The following NSD2 variants were observed in gnomAD, a reference collection of about 807,000 sequenced individuals.
The protein encoded by NSD2 is nuclear receptor binding SET domain protein 2, also known as histone-lysine N-methyltransferase NSD2.
Under a neutral mutation model 139.0 loss-of-function variants are expected in NSD2, and 12 were observed. The observed-to-expected ratio is 0.09, with a 90% confidence interval of 0.06 to 0.14. NSD2 has a LOEUF of 0.14. NSD2 is among the 10% of genes least tolerant of loss of function. NSD2 has a pLI of 1.00. For missense variants in NSD2, 1,155 were observed against 1,745.0 expected (o/e 0.66, Z 6.02); for synonymous variants, 669 against 648.7 (o/e 1.03, Z -0.48).
chr4:1,960,439 C>T (rs1000099937), intron 17 of NSD2, among the ~76,000 whole-genome samples: 3 of 152,198 alleles, frequency 2.0e-5, no homozygotes, highest in African/African-American at 7.2e-5. Flanking sequence ...GGACAGTTGA[C>T]CTCCTGCCTC....
intron 5 of NSD2, among the ~76,000 whole-genome samples, chr4:1,924,684 GT>G (rs1467318004): frequency 6.6e-6 from 1 of 151,942 alleles, no homozygotes; most frequent in Non-Finnish European, 1.5e-5. Flanking sequence ...GCCGAGGAGG[GT>G]AGGATGCTTG....
chr4:1,928,478 A>T (rs541048653), intron 5 of NSD2, among the ~76,000 whole-genome samples: 1 of 152,304 alleles, frequency 6.6e-6, no homozygotes, highest in African/African-American at 2.4e-5. Context: ...ACTCGTAACC[A>T]TCATACCATA....
intron 18 of NSD2, among the ~76,000 whole-genome samples, chr4:1,965,195 TA>T (rs2108990517): frequency 6.6e-6 from 1 of 151,954 alleles, no homozygotes; most frequent in South Asian, 2.1e-4. Context: ...ACATCTGCCT[TA>T]AAGATGCTGA....
At chr4:1,915,511 C>T (rs1049729627) in intron 3 of NSD2, among the ~76,000 whole-genome samples, 1 of 152,130 alleles carries the variant, frequency 6.6e-6, no homozygotes, top group South Asian at 2.1e-4. Context: ...TGTTGGGTAT[C>T]TTCTCTTCCC....
rs1179623184 is a variant in NSD2 at position 1,872,635 on chromosome 4, A to AGAGAGAGAGAGAGAGAGAGC, written c.-30+1094_-30+1095insAGAGAGAGAGAGAGAGAGCG. On this transcript the variant is annotated intron_variant, in intron 1 of 21. Transcript: ENST00000508803. ...GAGAGAGAGAGAGAGAGAGAGAGAG[A>AGAGAGAGAGAGAGAGAGAGC]GCGCGCAGACCCTGTGAAGACAAGA... is the stretch of plus-strand genomic sequence containing the variant. Among the ~76,000 whole-genome samples, 9 of 120,196 alleles carry AGAGAGAGAGAGAGAGAGAGC rather than the reference A, an allele frequency of 7.5e-5. No homozygotes were observed. The South Asian group carries it at 1.1e-3, about 15-fold the overall frequency. 78.9% of individuals were successfully genotyped at this position (120,196 alleles called of 152,430 possible). A position where few individuals can be genotyped will look rare whatever the true frequency, so the allele number is the denominator to read the frequency against.
intron 9 of NSD2, chr4:1,947,405 A>C (rs866809477): frequency 1.9e-6 from 2 of 1,060,294 alleles, no homozygotes; most frequent in African/African-American, 3.3e-5. Flanking sequence ...TGTGGTGTGC[A>C]GTGGTGCTCT....
chr4:1,949,824 T>G (rs543269153), intron 9 of NSD2, among the ~76,000 whole-genome samples: 1 of 151,920 alleles, frequency 6.6e-6, no homozygotes, highest in East Asian at 1.9e-4. Context: ...CACTTCTGTG[T>G]TAGTTTTTAA....
At chr4:1,961,402 C>T (rs1725354757) in intron 18 of NSD2, among the ~76,000 whole-genome samples, 1 of 152,222 alleles carries the variant, frequency 6.6e-6, no homozygotes, top group African/African-American at 2.4e-5. Context: ...GCAGAGCGTT[C>T]CCAGCAGCCT....
chr4:1,947,249 T>C (rs1166635346), intron 9 of NSD2: 9 of 1,063,676 alleles, frequency 8.5e-6, no homozygotes, highest in Non-Finnish European at 1.0e-5. Context: ...TAGATTCATT[T>C]TACCTTTGAC....
chr4:1,962,621 T>C (rs1026844403), intron 18 of NSD2, among the ~76,000 whole-genome samples: 2 of 152,250 alleles, frequency 1.3e-5, no homozygotes, highest in Non-Finnish European at 1.5e-5. Flanking sequence ...ATGTTCGTTA[T>C]AGTATTCTTC....
chr4:1,965,614 T>G (rs754315448), intron 18 of NSD2, among the ~76,000 whole-genome samples: 35 of 152,182 alleles, frequency 2.3e-4, no homozygotes, highest in Non-Finnish European at 4.1e-4. Flanking sequence ...GCAAGGTGTA[T>G]TAGTCTATTT....
At chr4:1,949,096 C>T (rs1723943597) in intron 9 of NSD2, among the ~76,000 whole-genome samples, 1 of 152,240 alleles carries the variant, frequency 6.6e-6, no homozygotes, top group South Asian at 2.1e-4. Context: ...CTGGCTCCCC[C>T]TCCAGTCTCA....
intron 1 of NSD2, among the ~76,000 whole-genome samples, chr4:1,882,567 G>A (rs1288827352): frequency 6.6e-6 from 1 of 152,198 alleles, no homozygotes; most frequent in Admixed American, 6.5e-5. Context: ...GGGAGGCTGA[G>A]GCAGGAGAAT....
At position 1,942,172 on chromosome 4, in the gene NSD2, A is replaced by G. The variant is rs1249454361; in HGVS notation, c.1881+2394A>G. On this transcript the variant is annotated intron_variant, in intron 9 of 21. Coordinates refer to ENST00000508803, the MANE Select transcript of NSD2 (RefSeq NM_001042424.3). This position sits in a 1 kb window ranked among gnomAD's most constrained non-coding sequence, Gnocchi z 4.0. ...ATAAATAAAAATTTTTATTGGAATA[A>G]TTATTACATGGTACTACATCACCCT... 7.6e-7 allele frequency: 1 copy of G among 1,312,688 alleles called. No homozygotes were observed. Among genetic ancestry groups the G allele is most frequent in the African/African-American group, 1.5e-5 (1 of 67,150 alleles). 81.3% of individuals were successfully genotyped at this position (1,312,688 alleles called of 1,614,324 possible). A position where few individuals can be genotyped will look rare whatever the true frequency, so the allele number is the denominator to read the frequency against.
rs775424952 is a variant in NSD2 at position 1,955,481 on chromosome 4, A to G, written c.2518+141A>G. 1.0e-5 allele frequency: 13 copies of G among 1,249,714 alleles called. No homozygotes were observed. The highest frequency in any genetic ancestry group is 5.1e-5 in the East Asian group (2 of 39,022). 77.4% of individuals were successfully genotyped at this position (1,249,714 alleles called of 1,614,324 possible). On this transcript the variant is annotated intron_variant, in intron 13 of 21. Coordinates refer to ENST00000508803, the MANE Select transcript of NSD2 (RefSeq NM_001042424.3). The surrounding 1 kb of genome is among the most constrained non-coding windows in gnomAD (Gnocchi z 4.7). ...CGTCTTCACGTTAATAGTATATCACAGTAGCTCTAAATTAATTGTAATCAT... is the reference window on the plus strand; with the variant it reads ...CGTCTTCACGTTAATAGTATATCACGGTAGCTCTAAATTAATTGTAATCAT...
chr4:1,978,740 G>A lies in NSD2; in HGVS notation c.3929G>A (p.Gly1310Glu), dbSNP rs777078587. Residue 1310 changes from glycine (G) to glutamate (E), a missense_variant, in exon 22 of 22, where the codon GGG (glycine) becomes GAG (glutamate). Gly to Glu is a moderately conservative substitution (Grantham distance 98). Around this residue, in one of 8 missense-constraint regions of NSD2, gnomAD observed 132 missense variants for 94.3 expected, o/e 1.40. Coordinates refer to ENST00000508803, the MANE Select transcript of NSD2 (RefSeq NM_001042424.3). The stretch of plus-strand genomic sequence containing the variant: ...TCGTTCTGTAAGGAGCACCAGGACG[G>A]GACAGCCTTCAGCTGCACCCCGGAC... ...PNSFCKEHQD[G>E]TAFSCTPDGR... 3.1e-6 allele frequency: 5 copies of A among 1,614,044 alleles called. No individual in the cohort carries two copies. Among genetic ancestry groups the A allele is most frequent in the Non-Finnish European group, 3.4e-6 (4 of 1,180,028 alleles).
chr4:1,919,988 C>T (rs1020227714), intron 5 of NSD2, among the ~76,000 whole-genome samples: 1 of 152,020 alleles, frequency 6.6e-6, no homozygotes, highest in Non-Finnish European at 1.5e-5. Flanking sequence ...AATCTTTAAC[C>T]AGCATGTATT....
intron 11 of NSD2, chr4:1,952,934 A>C (rs964754731): frequency 1.4e-6 from 2 of 1,421,402 alleles, no homozygotes; most frequent in Non-Finnish European, 9.1e-7. Context: ...CACCTCACTT[A>C]TGGGAGTGTC....
intron 18 of NSD2, among the ~76,000 whole-genome samples, chr4:1,970,995 C>G (rs895192803): frequency 2.6e-5 from 4 of 152,204 alleles, no homozygotes; most frequent in African/African-American, 4.8e-5. Flanking sequence ...AAAGGACTTC[C>G]AGATTGGATC....
Sources: allele counts gnomAD v4.1 joint callset (sites outside exome capture counted in the v4.1 genomes callset), GRCh38; gene constraint gnomAD v4.1.1; regional missense constraint gnomAD v4.1.1; non-coding constraint Gnocchi (gnomAD v3.1); transcripts MANE v1.5; gene names NCBI Gene and HGNC (gene_info 2026-07-23, HGNC 2026-07-21).